The following XPO1 variants were observed in gnomAD, a reference collection of about 807,000 sequenced individuals.
XPO1 encodes exportin-1.
In XPO1, 5 loss-of-function variants were observed where a neutral mutation model predicts 133.3. The ratio of observed to expected loss-of-function variants is 0.04; its 90% CI spans 0.02 to 0.08. XPO1 has a LOEUF of 0.08. XPO1 is among the 10% of genes least tolerant of loss of function. The pLI is 1.00. For synonymous variants in XPO1, 419 were observed against 408.2 expected (o/e 1.03, Z -0.32); for missense variants, 506 against 1,267.5 (o/e 0.40, Z 9.12).
At chr2:61,519,911 T>TA (rs1462374407) in intron 4 of XPO1, among the ~76,000 whole-genome samples, 2 of 152,144 alleles carry the variant, frequency 1.3e-5, no homozygotes, top group Non-Finnish European at 1.5e-5. Flanking sequence ...GGGCCGGACT[T>TA]AGACATCATT....
Position 61,490,625 on chromosome 2 carries a change from A to C in XPO1, c.2022+17T>G, listed in dbSNP as rs1696934704. 1.2e-6 allele frequency: 2 copies of C among 1,613,450 alleles called. No homozygotes were observed. Among genetic ancestry groups the C allele is most frequent in the East Asian group, 2.2e-5 (1 of 44,888 alleles). On this transcript the variant is annotated intron_variant, in intron 17 of 24. Transcript: ENST00000401558. ...TAAATCCCATGAAAACTTTTAAGAA[A>C]AGGTAGAAATACTTACTTTGGTTGC...
intron 3 of XPO1, among the ~76,000 whole-genome samples, chr2:61,523,245 C>T (rs1356798912): frequency 6.6e-6 from 1 of 152,180 alleles, no homozygotes; most frequent in Non-Finnish European, 1.5e-5. Context: ...TAACCCCACC[C>T]TTATAGTTGC....
intron 12 of XPO1, 108 bp from the exon 13 acceptor site, chr2:61,493,161 C>CATGT: frequency 8.7e-7 from 1 of 1,144,292 alleles, no homozygotes; most frequent in Non-Finnish European, 1.2e-6. Context: ...ACAAGCCAGC[C>CATGT]ATGTGTAGGG....
At chr2:61,486,825 A>G (rs1696718721) in intron 19 of XPO1, among the ~76,000 whole-genome samples, 1 of 152,140 alleles carries the variant, frequency 6.6e-6, no homozygotes, top group Admixed American at 6.6e-5. Context: ...TATTTTTTTG[A>G]AACTGAATCT....
intron 2 of XPO1, among the ~76,000 whole-genome samples, chr2:61,531,878 A>G (rs923875722): frequency 7.9e-5 from 12 of 152,246 alleles, no homozygotes; most frequent in African/African-American, 2.7e-4. Context: ...AAAACGCCCT[A>G]AAAGTATAAA....
intron 2 of XPO1, among the ~76,000 whole-genome samples, chr2:61,530,797 T>G (rs1394077599): frequency 6.6e-6 from 1 of 151,824 alleles, no homozygotes; most frequent in African/African-American, 2.4e-5. Flanking sequence ...GCATAATAAA[T>G]TTTTCTTGTC....
intron 6 of XPO1, among the ~76,000 whole-genome samples, chr2:61,501,290 G>A (rs531703789): frequency 1.3e-5 from 2 of 151,712 alleles, no homozygotes; most frequent in Admixed American, 6.6e-5. Flanking sequence ...ATAGAAAACA[G>A]ATAAACATAA....
chr2:61,532,542 C>G (rs370126890), intron 2 of XPO1, among the ~76,000 whole-genome samples: 33 of 151,918 alleles, frequency 2.2e-4, no homozygotes, highest in African/African-American at 8.0e-4. Flanking sequence ...ACAAAACTAC[C>G]ATAAAAGATT....
chr2:61,529,278 C>G (rs989527611), intron 2 of XPO1, among the ~76,000 whole-genome samples: 1 of 152,194 alleles, frequency 6.6e-6, no homozygotes, highest in Non-Finnish European at 1.5e-5. Context: ...GCATCAAAAA[C>G]AGGGTAGGAA....
At chr2:61,519,437 C>A (rs1698572067) in intron 4 of XPO1, among the ~76,000 whole-genome samples, 1 of 151,680 alleles carries the variant, frequency 6.6e-6, no homozygotes, top group African/African-American at 2.4e-5. Context: ...GTGGCTCATG[C>A]CTGTAATCTC....
intron 4 of XPO1, among the ~76,000 whole-genome samples, chr2:61,504,959 G>GT (rs1196758037): frequency 6.6e-6 from 1 of 152,222 alleles, no homozygotes; most frequent in African/African-American, 2.4e-5. Flanking sequence ...AATATGCATA[G>GT]TAACATTTAT....
chr2:61,525,215 G>A (rs1382050060), intron 3 of XPO1: 1 of 968,780 alleles, frequency 1.0e-6, no homozygotes, highest in Admixed American at 6.2e-5. Flanking sequence ...CACCGCCCAT[G>A]AAACAAAAAC....
intron 6 of XPO1, among the ~76,000 whole-genome samples, chr2:61,501,525 C>A (rs1403554587): frequency 2.0e-5 from 3 of 151,856 alleles, no homozygotes; most frequent in Non-Finnish European, 4.4e-5. Context: ...AGTTTGAGAC[C>A]AGCCTGGCCA....
At chr2:61,486,189 T>TA (rs1284752452) in intron 19 of XPO1, among the ~76,000 whole-genome samples, 1 of 152,124 alleles carries the variant, frequency 6.6e-6, no homozygotes, top group African/African-American at 2.4e-5. Context: ...TCAAGACTTT[T>TA]TTTTTTTGAG....
At chr2:61,493,873 C>A (rs1324807234) in intron 12 of XPO1, 21 bp downstream of exon 12, 3 of 1,613,456 alleles carry the variant, frequency 1.9e-6, no homozygotes, top group Admixed American at 1.7e-5. Flanking sequence ...AGGAAGAACA[C>A]TCAACCAACC....
chr2:61,483,930 T>TA lies in XPO1; in HGVS notation c.2677+6dup, dbSNP rs1558628974. ...GGCAAATGAATAAAAGAACATCTTT[T>TA]ATTTACCCGTATCTGCGACATTCCT... On this transcript the variant is annotated splice_region_variant and intron_variant, in intron 21 of 24. Coordinates refer to ENST00000401558, the MANE Select transcript of XPO1 (RefSeq NM_003400.4). 4.4e-6 allele frequency: 7 copies of TA among 1,609,162 alleles called. No individual in the cohort carries two copies. The highest frequency in any genetic ancestry group is 5.9e-6 in the Non-Finnish European group (7 of 1,178,788).
At chr2:61,522,741 AG>A (rs1698753506) in intron 3 of XPO1, 58 bp from the exon 4 acceptor site, 1 of 1,261,818 alleles carries the variant, frequency 7.9e-7, no homozygotes, top group South Asian at 1.2e-5. Context: ...GGCAACTCTC[AG>A]GATTCACAAA....
At chr2:61,514,593 TAAA>T (rs562982187) in intron 4 of XPO1, among the ~76,000 whole-genome samples, 4 of 125,836 alleles carry the variant, frequency 3.2e-5, no homozygotes, top group Non-Finnish European at 1.7e-5. Context: ...ACTCTGTCTT[TAAA>T]AAAAAAAAAA....
chr2:61,484,757 T>A (rs1412022223), intron 20 of XPO1: 1 of 152,446 alleles, frequency 6.6e-6, no homozygotes, highest in African/African-American at 2.4e-5. Flanking sequence ...CCTCTCCGAG[T>A]AGCTGGGACT....
Sources: allele counts gnomAD v4.1 joint callset (sites outside exome capture counted in the v4.1 genomes callset), GRCh38; gene constraint gnomAD v4.1.1; transcripts MANE v1.5; gene names NCBI Gene and HGNC (gene_info 2026-07-23, HGNC 2026-07-21).